Variants in WDR41 observed in about 807,000 individuals in gnomAD.
WDR41 encodes the protein WD repeat-containing protein 41.
In WDR41, 63 loss-of-function variants were observed where a neutral mutation model predicts 69.3. The observed-to-expected ratio is 0.91, with a 90% CI of 0.74 to 1.12. The LOEUF (loss-of-function observed/expected upper bound fraction) is 1.12. Ranked by LOEUF, WDR41 falls within the 50% of genes most tolerant of loss-of-function variation. The pLI is 0.00. For synonymous variants in WDR41, 185 were observed against 192.1 expected (o/e 0.96, Z 0.31); for missense variants, 543 against 534.5 (o/e 1.02, Z -0.16).
intron 1 of WDR41, among the ~76,000 whole-genome samples, chr5:77,612,416 C>G (rs1580053262): frequency 6.6e-6 from 1 of 152,184 alleles, no homozygotes; most frequent in South Asian, 2.1e-4. Context: ...GAAACCAAAT[C>G]CAGCAATACA....
chr5:77,578,049 T>C (rs896902465), intron 1 of WDR41, among the ~76,000 whole-genome samples: 2 of 152,156 alleles, frequency 1.3e-5, no homozygotes, highest in Non-Finnish European at 1.5e-5. Flanking sequence ...TACCCAGCAT[T>C]GCAAGAGTAT....
chr5:77,507,681 G>T (rs1267802098), intron 1 of WDR41, among the ~76,000 whole-genome samples: 1 of 152,094 alleles, frequency 6.6e-6, no homozygotes, highest in East Asian at 1.9e-4. Context: ...ATTCACTATT[G>T]AGTCAAATAT....
At chr5:77,610,224 AAACACTGCAGGAT>A (rs1184407287) in intron 1 of WDR41, among the ~76,000 whole-genome samples, 3 of 152,210 alleles carry the variant, frequency 2.0e-5, no homozygotes, top group Non-Finnish European at 2.9e-5. Flanking sequence ...CCAAGTTGGA[AAACACTGCAGGAT>A]ATTATACAGG....
intron 1 of WDR41, among the ~76,000 whole-genome samples, chr5:77,578,770 A>G (rs1394098500): frequency 1.3e-5 from 2 of 150,854 alleles, no homozygotes. Context: ...AGGCTGAGGC[A>G]GGAGAATCAC....
chr5:77,614,486 G>C (rs1744634264), intron 1 of WDR41, among the ~76,000 whole-genome samples: 1 of 151,192 alleles, frequency 6.6e-6, no homozygotes, highest in African/African-American at 2.4e-5. Flanking sequence ...ATGAGTTCAT[G>C]TCCTTTGTAG....
chr5:77,610,860 C>T (rs1474905370), intron 1 of WDR41, among the ~76,000 whole-genome samples: 38 of 151,278 alleles, frequency 2.5e-4, no homozygotes, highest in Admixed American at 2.2e-3. Flanking sequence ...CACAGACTGG[C>T]AAATTGGATA....
At chr5:77,484,700 A>T (rs1801432365) in intron 2 of WDR41, among the ~76,000 whole-genome samples, 1 of 152,232 alleles carries the variant, frequency 6.6e-6, no homozygotes, top group Non-Finnish European at 1.5e-5. Context: ...GACATAGCCA[A>T]TGAGTATGTT....
intron 2 of WDR41, among the ~76,000 whole-genome samples, chr5:77,477,223 T>C (rs964010033): frequency 6.7e-6 from 1 of 149,822 alleles, no homozygotes; most frequent in African/African-American, 2.5e-5. Flanking sequence ...ACAATAATAA[T>C]GGGAGACTTT....
intron 1 of WDR41, among the ~76,000 whole-genome samples, chr5:77,509,956 T>C (rs1477368551): frequency 6.6e-6 from 1 of 152,210 alleles, no homozygotes; most frequent in Non-Finnish European, 1.5e-5. Flanking sequence ...AGTAACTCTT[T>C]AATAGAACCT....
chr5:77,524,304 C>G (rs1203084525), intron 1 of WDR41, among the ~76,000 whole-genome samples: 1 of 152,146 alleles, frequency 6.6e-6, no homozygotes, highest in Non-Finnish European at 1.5e-5. Flanking sequence ...AATAATAAAT[C>G]AGGCCAAGTG....
At chr5:77,600,649 A>G (rs1744305929) in intron 1 of WDR41, among the ~76,000 whole-genome samples, 1 of 152,174 alleles carries the variant, frequency 6.6e-6, no homozygotes, top group South Asian at 2.1e-4. Flanking sequence ...TGGGAGGCAG[A>G]GGCGGGTGGA....
chr5:77,466,425 C>A (rs577208908), intron 2 of WDR41, among the ~76,000 whole-genome samples: 78 of 151,940 alleles, frequency 5.1e-4, no homozygotes, highest in African/African-American at 1.8e-3. Flanking sequence ...GAGGGCAGGA[C>A]TCAAGGTCTT....
chr5:77,433,372 T>C, intron 12 of WDR41, 85 bp from the exon 13 acceptor site: 2 of 1,269,284 alleles, frequency 1.6e-6, no homozygotes, highest in South Asian at 1.7e-5. Flanking sequence ...GCGTGTGAGA[T>C]ATGTGCCTTA....
At chr5:77,564,772 A>C (rs1743590000) in intron 1 of WDR41, among the ~76,000 whole-genome samples, 1 of 152,102 alleles carries the variant, frequency 6.6e-6, no homozygotes, top group African/African-American at 2.4e-5. Context: ...TGCAGTCTTC[A>C]GCTTCCACCC....
chr5:77,507,679 T>C (rs541532420), intron 1 of WDR41, among the ~76,000 whole-genome samples: 2 of 152,346 alleles, frequency 1.3e-5, no homozygotes, highest in East Asian at 3.9e-4. Context: ...TTATTCACTA[T>C]TGAGTCAAAT....
chr5:77,547,437 T>G (rs746563081), intron 1 of WDR41, among the ~76,000 whole-genome samples: 5 of 151,878 alleles, frequency 3.3e-5, no homozygotes, highest in Non-Finnish European at 7.4e-5. Context: ...TGGATACAAA[T>G]TACTGTACAC....
intron 1 of WDR41, among the ~76,000 whole-genome samples, chr5:77,547,468 C>A (rs893089963): frequency 6.6e-6 from 1 of 151,754 alleles, no homozygotes; most frequent in Non-Finnish European, 1.5e-5. Flanking sequence ...CTCTTCTATA[C>A]ACCAACGGTG....
intron 1 of WDR41, among the ~76,000 whole-genome samples, chr5:77,598,663 T>A: frequency 6.6e-6 from 1 of 151,298 alleles, no homozygotes; most frequent in African/African-American, 2.4e-5. Flanking sequence ...TTTGTTTTTT[T>A]TGTAGCTTAG....
At position 77,471,416 on chromosome 5, in the gene WDR41, T is replaced by C. The variant is rs529560231; in HGVS notation, c.168-6607A>G. Reference sequence around the variant, plus strand: ...TCGAAAGCCAGCAGAAGGCAAGAAATAACTAAGATCAGAGCAGAACTGAAG... The same window carrying C: ...TCGAAAGCCAGCAGAAGGCAAGAAACAACTAAGATCAGAGCAGAACTGAAG... On this transcript the variant is annotated intron_variant, in intron 2 of 12. Transcript: ENST00000296679. 1.3e-5 allele frequency among the ~76,000 whole-genome samples: 2 copies of C among 151,990 alleles called. 1 individual carries two copies. The highest frequency in any genetic ancestry group is 3.9e-4 in the East Asian group (2 of 5,160).
Sources: allele counts gnomAD v4.1 joint callset (sites outside exome capture counted in the v4.1 genomes callset), GRCh38; gene constraint gnomAD v4.1.1; transcripts MANE v1.5; gene names NCBI Gene and HGNC (gene_info 2026-07-23, HGNC 2026-07-21).